Variants in ENTREP2 observed in about 807,000 individuals in gnomAD.
ENTREP2 encodes protein ENTREP2.
At chr15:29,175,290 T>C in the ENTREP2 span, among the ~76,000 whole-genome samples, 7 of 152,322 alleles carry the variant, frequency 4.6e-5, no homozygotes, top group South Asian at 1.0e-3. Context: ...CGGGTTCTTG[T>C]AAGGGTAAGA....
chr15:29,378,448 G>A, the ENTREP2 span, among the ~76,000 whole-genome samples: 2 of 152,192 alleles, frequency 1.3e-5, no homozygotes, highest in African/African-American at 4.8e-5. Context: ...CACTAGTTTG[G>A]ATGTTGCTGT....
At chr15:29,439,332 C>CACACAA in the ENTREP2 span, among the ~76,000 whole-genome samples, 1 of 103,702 alleles carries the variant, frequency 9.6e-6, no homozygotes, top group African/African-American at 3.6e-5. Flanking sequence ...CACACACACA[C>CACACAA]AAACAGTAGA....
the ENTREP2 span, among the ~76,000 whole-genome samples, chr15:29,295,372 A>G: frequency 6.6e-6 from 1 of 152,252 alleles, no homozygotes; most frequent in African/African-American, 2.4e-5. Context: ...CCAGGAAGCC[A>G]CTGCTGAATT....
At chr15:29,253,858 A>G in the ENTREP2 span, among the ~76,000 whole-genome samples, 1 of 152,196 alleles carries the variant, frequency 6.6e-6, no homozygotes, top group Non-Finnish European at 1.5e-5. Flanking sequence ...TTTATGAATA[A>G]GAATACATAT....
chr15:29,195,266 C>T, the ENTREP2 span: 1 of 985,352 alleles, frequency 1.0e-6, no homozygotes, highest in Non-Finnish European at 1.2e-6. Flanking sequence ...CGTAGTCCTA[C>T]CATGGAGATG....
the ENTREP2 span, among the ~76,000 whole-genome samples, chr15:29,247,013 A>ACACACG: frequency 2.0e-5 from 3 of 150,916 alleles, no homozygotes; most frequent in Non-Finnish European, 4.4e-5. Context: ...ACACACACAC[A>ACACACG]CGCAAAACCC....
chr15:29,657,194 C>T, the ENTREP2 span, among the ~76,000 whole-genome samples: 1 of 151,746 alleles, frequency 6.6e-6, no homozygotes, highest in Non-Finnish European at 1.5e-5. Flanking sequence ...ACTACACGCG[C>T]CCACCACCAC....
the ENTREP2 span, among the ~76,000 whole-genome samples, chr15:29,427,782 G>A: frequency 1.1e-4 from 16 of 152,122 alleles, no homozygotes; most frequent in Non-Finnish European, 1.6e-4. Flanking sequence ...AGGTTCCAGC[G>A]ATTAGGAAGG....
the ENTREP2 span, among the ~76,000 whole-genome samples, chr15:29,291,965 G>C: frequency 6.6e-6 from 1 of 152,004 alleles, no homozygotes; most frequent in Non-Finnish European, 1.5e-5. Context: ...TGTGAGGTCT[G>C]AAAAACTGCC....
chr15:29,431,733 A>C, the ENTREP2 span, among the ~76,000 whole-genome samples: 2 of 152,246 alleles, frequency 1.3e-5, no homozygotes, highest in Non-Finnish European at 2.9e-5. Context: ...CAAATTAAAA[A>C]GTAAAATAAA....
At chr15:29,504,637 T>A in the ENTREP2 span, among the ~76,000 whole-genome samples, 1,715 of 152,312 alleles carry the variant, frequency 0.011, 29 homozygotes, top group African/African-American at 0.039. Context: ...ATACTTAGGA[T>A]TCTTAGGCTC....
the ENTREP2 span, among the ~76,000 whole-genome samples, chr15:29,180,831 G>A: frequency 1.3e-5 from 2 of 151,870 alleles, no homozygotes; most frequent in African/African-American, 4.8e-5. Flanking sequence ...AAAGTTACTA[G>A]ACATCAAAAC....
the ENTREP2 span, among the ~76,000 whole-genome samples, chr15:29,305,447 C>T: frequency 2.0e-5 from 3 of 152,142 alleles, no homozygotes; most frequent in Admixed American, 2.0e-4. Flanking sequence ...ATTTCAGCTG[C>T]CTTGGTCCAG....
chr15:29,182,203 C>A, the ENTREP2 span, among the ~76,000 whole-genome samples: 1 of 151,602 alleles, frequency 6.6e-6, no homozygotes, highest in Non-Finnish European at 1.5e-5. Context: ...CAGCTCACTG[C>A]AAGCTCCGCC....
At chr15:29,133,882 G>A in the ENTREP2 span, among the ~76,000 whole-genome samples, 1 of 152,090 alleles carries the variant, frequency 6.6e-6, no homozygotes, top group African/African-American at 2.4e-5. Context: ...ACACTCATCC[G>A]AGACTCTTTA....
chr15:29,458,901 C>T, the ENTREP2 span, among the ~76,000 whole-genome samples: 1 of 152,220 alleles, frequency 6.6e-6, no homozygotes, highest in African/African-American at 2.4e-5. Context: ...TTCCCTCACA[C>T]AAAGGAGACT....
the ENTREP2 span, among the ~76,000 whole-genome samples, chr15:29,546,911 A>C: frequency 6.9e-6 from 1 of 143,940 alleles, no homozygotes; most frequent in African/African-American, 2.6e-5. Context: ...CAACAAAAAA[A>C]AAAACGGATA....
At chr15:29,457,537 G>C in the ENTREP2 span, among the ~76,000 whole-genome samples, 1 of 152,194 alleles carries the variant, frequency 6.6e-6, no homozygotes, top group Non-Finnish European at 1.5e-5. Flanking sequence ...CAGGTGCTCG[G>C]GGCAGAGGCT....
chr15:29,397,160 G>A, the ENTREP2 span, among the ~76,000 whole-genome samples: 1 of 152,300 alleles, frequency 6.6e-6, no homozygotes, highest in South Asian at 2.1e-4. Flanking sequence ...GGAGGCCGAG[G>A]TGGGCAGATC....
Sources: allele counts gnomAD v4.1 joint callset (sites outside exome capture counted in the v4.1 genomes callset), GRCh38; gene constraint gnomAD v4.1.1; transcripts MANE v1.5; gene names NCBI Gene and HGNC (gene_info 2026-07-23, HGNC 2026-07-21).